The following ENTREP2 variants were observed in gnomAD, a reference collection of about 807,000 sequenced individuals.
ENTREP2 encodes the protein protein ENTREP2.
At chr15:29,334,996 G>A in the ENTREP2 span, among the ~76,000 whole-genome samples, 1 of 152,118 alleles carries the variant, frequency 6.6e-6, no homozygotes, top group Non-Finnish European at 1.5e-5. Context: ...ACATGCAGAA[G>A]ACCCAGGGAA....
the ENTREP2 span, among the ~76,000 whole-genome samples, chr15:29,402,821 T>C: frequency 1.3e-5 from 2 of 152,186 alleles, no homozygotes; most frequent in Non-Finnish European, 2.9e-5. Flanking sequence ...CTGTTTCCCA[T>C]GGTTGATACA....
chr15:29,542,888 T>C, the ENTREP2 span, among the ~76,000 whole-genome samples: 1 of 152,216 alleles, frequency 6.6e-6, no homozygotes, highest in African/African-American at 2.4e-5. Flanking sequence ...ATCCATGTCA[T>C]AGTATGTGTC....
At chr15:29,560,212 G>C in the ENTREP2 span, among the ~76,000 whole-genome samples, 6 of 152,156 alleles carry the variant, frequency 3.9e-5, no homozygotes, top group Non-Finnish European at 5.9e-5. Flanking sequence ...TGGAGGAACT[G>C]GGTGAATGGT....
the ENTREP2 span, among the ~76,000 whole-genome samples, chr15:29,453,433 TA>T: frequency 6.6e-6 from 1 of 152,192 alleles, no homozygotes; most frequent in East Asian, 1.9e-4. Context: ...TAAAATACAA[TA>T]AATATCTACT....
chr15:29,455,713 G>A, the ENTREP2 span, among the ~76,000 whole-genome samples: 5 of 152,302 alleles, frequency 3.3e-5, no homozygotes, highest in South Asian at 1.0e-3. Context: ...AGGCCGCACT[G>A]CAGGAGGTGA....
chr15:29,378,184 A>G, the ENTREP2 span, among the ~76,000 whole-genome samples: 2 of 148,776 alleles, frequency 1.3e-5, no homozygotes, highest in East Asian at 1.9e-4. Flanking sequence ...CCTTTTTTAA[A>G]AAAACTCTTT....
At chr15:29,317,655 A>C in the ENTREP2 span, among the ~76,000 whole-genome samples, 21 of 152,296 alleles carry the variant, frequency 1.4e-4, no homozygotes, top group East Asian at 4.1e-3. Context: ...ATATCACTCC[A>C]ATAATGTTTC....
the ENTREP2 span, among the ~76,000 whole-genome samples, chr15:29,175,215 C>G: frequency 6.6e-6 from 1 of 152,132 alleles, no homozygotes; most frequent in Non-Finnish European, 1.5e-5. Context: ...TGGGGAGTTA[C>G]TAAATTTCAC....
chr15:29,529,234 A>AGGGTGTGGAGGGGTGG, the ENTREP2 span, among the ~76,000 whole-genome samples: 1 of 109,366 alleles, frequency 9.1e-6, no homozygotes, highest in Non-Finnish European at 2.0e-5. Flanking sequence ...GGGGTGTGTG[A>AGGGTGTGGAGGGGTGG]GGGTGTGGAG....
chr15:29,674,129 G>A, the ENTREP2 span, among the ~76,000 whole-genome samples: 2 of 47,910 alleles, frequency 4.2e-5, no homozygotes, highest in African/African-American at 2.3e-4. Flanking sequence ...TGCAGAGGAT[G>A]GGGGGGGGGG....
chr15:29,351,049 G>A, the ENTREP2 span, among the ~76,000 whole-genome samples: 2 of 152,218 alleles, frequency 1.3e-5, no homozygotes, highest in Admixed American at 6.5e-5. Flanking sequence ...GATACAATCT[G>A]AGAAATGTGT....
chr15:29,627,016 C>T, the ENTREP2 span, among the ~76,000 whole-genome samples: 1 of 151,856 alleles, frequency 6.6e-6, no homozygotes, highest in African/African-American at 2.4e-5. Context: ...GTTATTTTTT[C>T]CTTCTTTTCC....
At chr15:29,277,246 A>G in the ENTREP2 span, among the ~76,000 whole-genome samples, 4 of 151,966 alleles carry the variant, frequency 2.6e-5, no homozygotes, top group Admixed American at 6.6e-5. Context: ...CGGGAGGCTG[A>G]GGCAGGAATC....
chr15:29,630,273 C>T, the ENTREP2 span, among the ~76,000 whole-genome samples: 8 of 152,022 alleles, frequency 5.3e-5, no homozygotes, highest in Admixed American at 5.2e-4. Context: ...ATTTTTCAGC[C>T]CTTGAAAAAT....
chr15:29,381,085 CATT>C, the ENTREP2 span, among the ~76,000 whole-genome samples: 6 of 150,354 alleles, frequency 4.0e-5, no homozygotes, highest in East Asian at 1.2e-3. Flanking sequence ...GCTCCTGACT[CATT>C]ATCTGCCCGC....
chr15:29,413,257 T>C, the ENTREP2 span, among the ~76,000 whole-genome samples: 4 of 152,178 alleles, frequency 2.6e-5, no homozygotes, highest in African/African-American at 9.6e-5. Context: ...GAATTCAGTA[T>C]ATGTAAATTA....
the ENTREP2 span, among the ~76,000 whole-genome samples, chr15:29,617,442 T>C: frequency 6.6e-6 from 1 of 152,140 alleles, no homozygotes; most frequent in African/African-American, 2.4e-5. Context: ...CAAATGCCAA[T>C]CCCTTTCAGA....
At chr15:29,118,323 G>C in the ENTREP2 span, 3 of 152,352 alleles carry the variant, frequency 2.0e-5, no homozygotes, top group Non-Finnish European at 4.4e-5. Context: ...AAAGCCGTGT[G>C]TGTGACTGGT....
chr15:29,494,837 C>A, the ENTREP2 span, among the ~76,000 whole-genome samples: 1,038 of 152,248 alleles, frequency 6.8e-3, 7 homozygotes, highest in African/African-American at 0.024. Context: ...GGCAGGATTT[C>A]CTTTCTTTGA....
Sources: gnomAD v4.1 joint callset for allele counts (sites outside exome capture counted in the v4.1 genomes callset) on GRCh38, gnomAD v4.1.1 for gene constraint, MANE v1.5 for transcripts, NCBI Gene and HGNC (gene_info 2026-07-23, HGNC 2026-07-21) for gene names.